The following PRNP variants were observed in gnomAD, a reference collection of about 807,000 sequenced individuals.
PRNP encodes the protein prion protein (Kanno blood group).
A neutral mutation model predicts 21.3 loss-of-function variants in PRNP; 15 were observed. The observed-to-expected ratio is 0.71, with a 90% CI of 0.47 to 1.09. The LOEUF is 1.09. Ranked by LOEUF, PRNP falls within the 50% of genes least tolerant of loss-of-function variation. PRNP has a pLI of 0.00. For missense variants in PRNP, 285 were observed against 340.9 expected, an observed-to-expected ratio of 0.84 and a Z score of 1.29; for synonymous variants, 121 against 123.1, an observed-to-expected ratio of 0.98 and a Z score of 0.11.
chr20:4,689,940 A>G (rs1921715461), intron 1 of PRNP, among the ~76,000 whole-genome samples: 1 of 152,188 alleles, frequency 6.6e-6, no homozygotes, highest in Middle Eastern at 3.2e-3. Flanking sequence ...AAGCCTGATC[A>G]CGGGTGCCAA....
Position 4,700,429 on chromosome 20 carries a change from C to T in PRNP, c.*447C>T, listed in dbSNP as rs866300208. On this transcript the variant is annotated 3_prime_UTR_variant, in exon 2 of 2. Coordinates refer to ENST00000379440, the MANE Select transcript of PRNP (RefSeq NM_000311.5). The surrounding 1 kb of genome is among the most constrained non-coding windows in gnomAD (Gnocchi z 4.1). ...AGATATTTTCCATTTTAAGAAAACC[C>T]GACAACATTTCTGCCAGGTTTGTTA... The T allele has an allele frequency of 6.2e-6, 2 of 321,512 alleles. No homozygotes were observed. The highest frequency in any genetic ancestry group is 4.5e-5 in the Admixed American group (1 of 22,012). 19.9% of individuals were successfully genotyped at this position (321,512 alleles called of 1,614,324 possible). A position where few individuals can be genotyped will look rare whatever the true frequency, so the allele number is the denominator to read the frequency against.
At chr20:4,687,227 C>G (rs1195827219) in intron 1 of PRNP, among the ~76,000 whole-genome samples, 4 of 151,744 alleles carry the variant, frequency 2.6e-5, no homozygotes, top group Non-Finnish European at 5.9e-5. Context: ...GCGGCCCACG[C>G]GGACTGACGG....
chr20:4,688,886 G>C (rs972294228), intron 1 of PRNP, among the ~76,000 whole-genome samples: 1 of 152,174 alleles, frequency 6.6e-6, no homozygotes, highest in African/African-American at 2.4e-5. Context: ...CTCTCACTAA[G>C]GGCGTTTAAA....
chr20:4,688,787 A>T (rs1921636303), intron 1 of PRNP, among the ~76,000 whole-genome samples: 1 of 152,256 alleles, frequency 6.6e-6, no homozygotes, highest in Non-Finnish European at 1.5e-5. Flanking sequence ...GTGAACGCAT[A>T]TGTGAAAAAT....
intron 1 of PRNP, among the ~76,000 whole-genome samples, chr20:4,694,736 A>G (rs1922058572): frequency 6.6e-6 from 1 of 151,876 alleles, no homozygotes. Context: ...ACTTTATTTT[A>G]CTTCTTCTAT....
rs6052774 is a variant in PRNP, at chr20:4,700,047, C to T, written c.*65C>T. 1 of 1,553,840 alleles carries T rather than the reference C, an allele frequency of 6.4e-7. No homozygotes were observed. The highest frequency in any genetic ancestry group is 8.7e-7 in the Non-Finnish European group (1 of 1,148,298). Reference sequence around the variant, plus strand: ...CCAGCTTGAGGGAGGCGGTATCCACCTGCAGCCCTTTTAGTGGTGGTGTCT... The same window carrying T: ...CCAGCTTGAGGGAGGCGGTATCCACTTGCAGCCCTTTTAGTGGTGGTGTCT... On this transcript the variant is annotated 3_prime_UTR_variant, in exon 2 of 2. Coordinates refer to ENST00000379440, the MANE Select transcript of PRNP (RefSeq NM_000311.5). The surrounding 1 kb of genome is among the most constrained non-coding windows in gnomAD (Gnocchi z 4.1).
chr20:4,688,603 C>G (rs1921624753), intron 1 of PRNP, among the ~76,000 whole-genome samples: 1 of 152,076 alleles, frequency 6.6e-6, no homozygotes, highest in South Asian at 2.1e-4. Context: ...AATTAGAACA[C>G]CTGGAAAAGA....
intron 1 of PRNP, among the ~76,000 whole-genome samples, chr20:4,695,560 A>G (rs1922115435): frequency 7.0e-6 from 1 of 143,528 alleles, no homozygotes. Flanking sequence ...ATAGTTTTGC[A>G]ATGAACATAC....
At chr20:4,695,344 T>A (rs1922100582) in intron 1 of PRNP, among the ~76,000 whole-genome samples, 2 of 152,170 alleles carry the variant, frequency 1.3e-5, no homozygotes, top group Admixed American at 1.3e-4. Flanking sequence ...GTCCATGTGT[T>A]CTTATCATTT....
At position 4,699,690 on chromosome 20, in the gene PRNP, A is replaced by AC; in HGVS notation, c.474dup (p.Asn159GlnfsTer10). On this transcript the variant is annotated frameshift_variant, in exon 2 of 2. Coordinates refer to ENST00000379440, the MANE Select transcript of PRNP (RefSeq NM_000311.5). LOFTEE classifies it high-confidence loss of function. The surrounding 1 kb of genome is among the most constrained non-coding windows in gnomAD (Gnocchi z 5.8). ...TACTATCGTGAAAACATGCACCGTT[A>AC]CCCCAACCAAGTGTACTACAGGCCC... 6.2e-7 allele frequency: 1 copy of AC among 1,613,982 alleles called. No individual in the cohort carries two copies. The highest frequency in any genetic ancestry group is 8.5e-7 in the Non-Finnish European group (1 of 1,180,004).
In PRNP at chr20:4,699,579, C is replaced by T. The variant is rs2122228767; in HGVS notation, c.359C>T (p.Ala120Val). The T allele has an allele frequency of 1.2e-6, 2 of 1,613,896 alleles. No homozygotes were observed. The highest frequency in any genetic ancestry group is 1.7e-6 in the Non-Finnish European group (2 of 1,179,896). The change falls in exon 2 of 2, where the codon GCA (alanine) becomes GTA (valine). Residue 120 changes from alanine (A) to valine (V), a missense_variant. Transcript: ENST00000379440. The surrounding 1 kb of genome is among the most constrained non-coding windows in gnomAD (Gnocchi z 5.8). Reference protein sequence around the residue: ...KHMAGAAAAGAVVGGLGGYML... With the variant: ...KHMAGAAAAGVVVGGLGGYML... ...ATGGCTGGTGCTGCAGCAGCTGGGG[C>T]AGTGGTGGGGGGCCTTGGCGGCTAC...
chr20:4,700,003 C>T lies in PRNP; in HGVS notation c.*21C>T, dbSNP rs1286096431. On this transcript the variant is annotated 3_prime_UTR_variant, in exon 2 of 2. Transcript: ENST00000379440. This position sits in a 1 kb window ranked among gnomAD's most constrained non-coding sequence, Gnocchi z 4.1. Reference sequence around the variant, plus strand: ...GATGAGGAAGGTCTTCCTGTTTTCACCATCTTTCTAATCTTTTTCCAGCTT... The same window carrying T: ...GATGAGGAAGGTCTTCCTGTTTTCATCATCTTTCTAATCTTTTTCCAGCTT... The T allele has an allele frequency of 6.3e-7, 1 of 1,586,910 alleles. No individual in the cohort carries two copies. Among genetic ancestry groups the T allele is most frequent in the Non-Finnish European group, 8.6e-7 (1 of 1,165,832 alleles).
intron 1 of PRNP, among the ~76,000 whole-genome samples, chr20:4,694,493 ATAAAG>A (rs778580305): frequency 2.2e-4 from 33 of 152,328 alleles, no homozygotes; most frequent in South Asian, 4.1e-4. Context: ...GGAAAGTTGC[ATAAAG>A]TAATTTATTA....
chr20:4,700,430 G>T lies in PRNP; in HGVS notation c.*448G>T. 1 of 323,750 alleles carries T rather than the reference G, an allele frequency of 3.1e-6. No homozygotes were observed. Among genetic ancestry groups the T allele is most frequent in the Non-Finnish European group, 6.3e-6 (1 of 157,552 alleles). 20.1% of individuals were successfully genotyped at this position (323,750 alleles called of 1,614,324 possible). On this transcript the variant is annotated 3_prime_UTR_variant, in exon 2 of 2. Transcript: ENST00000379440. The surrounding 1 kb of genome is among the most constrained non-coding windows in gnomAD (Gnocchi z 4.1). Reference sequence around the variant, plus strand: ...GATATTTTCCATTTTAAGAAAACCCGACAACATTTCTGCCAGGTTTGTTAG... The same window carrying T: ...GATATTTTCCATTTTAAGAAAACCCTACAACATTTCTGCCAGGTTTGTTAG...
Position 4,699,132 on chromosome 20 carries a change from C to T in PRNP, c.-10-79C>T, listed in dbSNP as rs1019795857. On this transcript the variant is annotated intron_variant, in intron 1 of 1. Transcript: ENST00000379440. The surrounding 1 kb of genome is among the most constrained non-coding windows in gnomAD (Gnocchi z 5.8). Reference sequence around the variant, plus strand: ...CTGAGCAGCTGATACCATTGCTATGCACTCATTCATTATGCAGGAAACATT... The same window carrying T: ...CTGAGCAGCTGATACCATTGCTATGTACTCATTCATTATGCAGGAAACATT... The T allele has an allele frequency of 4.0e-6, 6 of 1,518,338 alleles. No individual in the cohort carries two copies. In the African/African-American group the frequency reaches 6.8e-5, roughly 17 times the overall value. The allele number at this position is 1,518,338 out of a possible 1,614,324, so 94.1% of individuals were successfully genotyped here. A position where few individuals can be genotyped will look rare whatever the true frequency, so the allele number is the denominator to read the frequency against.
intron 1 of PRNP, among the ~76,000 whole-genome samples, chr20:4,687,505 A>G (rs1432711916): frequency 5.9e-5 from 9 of 152,120 alleles, no homozygotes; most frequent in African/African-American, 2.2e-4. Flanking sequence ...ACGTTTCATT[A>G]TTAAACAATG....
Position 4,699,798 on chromosome 20 carries a change from C to G in PRNP, c.578C>G (p.Thr193Ser). Reference protein sequence around the residue: ...TIKQHTVTTTTKGENFTETDV... With the variant: ...TIKQHTVTTTSKGENFTETDV... ...AAGCAGCACACGGTCACCACAACCA[C>G]CAAGGGGGAGAACTTCACCGAGACC... The change falls in exon 2 of 2, where the codon ACC becomes AGC. Residue 193 changes from threonine to serine, a missense_variant. Transcript: ENST00000379440. The surrounding 1 kb of genome is among the most constrained non-coding windows in gnomAD (Gnocchi z 5.8). 6.2e-7 allele frequency: 1 copy of G among 1,613,884 alleles called. No homozygotes were observed. Among genetic ancestry groups the G allele is most frequent in the African/African-American group, 1.3e-5 (1 of 74,934 alleles).
intron 1 of PRNP, among the ~76,000 whole-genome samples, chr20:4,691,554 T>G (rs1921829204): frequency 6.6e-6 from 1 of 152,256 alleles, no homozygotes; most frequent in Non-Finnish European, 1.5e-5. Flanking sequence ...GTTACTGTGA[T>G]GTATCACACT....
rs113224316 is a variant in PRNP, at chr20:4,697,357, G to T, written c.-10-1854G>T. On this transcript the variant is annotated intron_variant, in intron 1 of 1. Coordinates refer to ENST00000379440, the MANE Select transcript of PRNP (RefSeq NM_000311.5). This position sits in a 1 kb window ranked among gnomAD's most constrained non-coding sequence, Gnocchi z 4.6. The stretch of plus-strand genomic sequence containing the variant: ...CCAAACTCCCGCCCTAAAGGAGCCT[G>T]CACTCCCGTGGAGAACATGAATAAT... 6.6e-6 allele frequency among the ~76,000 whole-genome samples: 1 copy of T among 152,288 alleles called. No homozygotes were observed. The highest frequency in any genetic ancestry group is 1.9e-4 in the East Asian group (1 of 5,186).
Sources: allele counts gnomAD v4.1 joint callset (sites outside exome capture counted in the v4.1 genomes callset), GRCh38; gene constraint gnomAD v4.1.1; non-coding constraint Gnocchi (gnomAD v3.1); transcripts MANE v1.5; gene names NCBI Gene and HGNC (gene_info 2026-07-23, HGNC 2026-07-21).